The following ZNF521 variants were observed in gnomAD, a reference collection of about 807,000 sequenced individuals.
ZNF521 encodes the protein zinc finger protein 521.
ZNF521 carries 14 observed loss-of-function variants against 105.5 expected under a neutral mutation model. The observed-to-expected ratio is 0.13, with a 90% confidence interval of 0.09 to 0.21. The LOEUF (loss-of-function observed/expected upper bound fraction) is 0.21, where lower values mean the gene tolerates loss of function less well. Among genes scored for constraint, ZNF521 ranks in the 10% least tolerant of loss-of-function variants. The pLI is 1.00. For missense variants in ZNF521, 1,233 were observed against 1,629.7 expected, an observed-to-expected ratio of 0.76 and a Z score of 4.19; for synonymous variants, 635 against 606.0, an observed-to-expected ratio of 1.05 and a Z score of -0.70.
At chr18:25,200,990 T>A (rs1339854190) in intron 4 of ZNF521, 1 of 151,224 alleles carries the variant, frequency 6.6e-6, no homozygotes, top group Non-Finnish European at 1.5e-5. Flanking sequence ...TACTAGTGTT[T>A]GATTCATTCA....
intron 7 of ZNF521, among the ~76,000 whole-genome samples, chr18:25,065,174 T>C (rs2033022261): frequency 6.6e-6 from 1 of 152,210 alleles, no homozygotes; most frequent in East Asian, 1.9e-4. Flanking sequence ...AGAAAGGTTT[T>C]TTATTTTTAA....
In ZNF521 at chr18:25,227,263, C is replaced by T. The variant is rs1330285345; in HGVS notation, c.655G>A (p.Gly219Arg). 6.2e-7 allele frequency: 1 copy of T among 1,614,082 alleles called. No homozygotes were observed. Among genetic ancestry groups the T allele is most frequent in the Non-Finnish European group, 8.5e-7 (1 of 1,180,018 alleles). Residue 219 changes from glycine (G) to arginine (R), a missense_variant, in exon 4 of 8, where the codon GGA (glycine) becomes AGA (arginine). Coordinates refer to ENST00000361524, the MANE Select transcript of ZNF521 (RefSeq NM_015461.3). This position sits in a 1 kb window ranked among gnomAD's most constrained non-coding sequence, Gnocchi z 5.7. ...TTCCTCTCATGAACCTGCATGTGTC[C>T]GTGTAAGGAACTAGAGGACAGAAAC... Reference protein sequence around the residue: ...RGFLSSSSLHGHMQVHERNKD... With the variant: ...RGFLSSSSLHRHMQVHERNKD...
intron 5 of ZNF521, among the ~76,000 whole-genome samples, chr18:25,093,579 C>T (rs1600008895): frequency 6.6e-6 from 1 of 152,132 alleles, no homozygotes; most frequent in East Asian, 1.9e-4. Flanking sequence ...ATTTGTATTC[C>T]TAATCTTTCT....
intron 4 of ZNF521, among the ~76,000 whole-genome samples, chr18:25,197,072 T>C (rs1224549390): frequency 6.6e-6 from 1 of 151,774 alleles, no homozygotes; most frequent in Non-Finnish European, 1.5e-5. Flanking sequence ...GCCAAAATAA[T>C]AAAATGCCAG....
At chr18:25,327,553 T>TC (rs1913293348) in intron 2 of ZNF521, 1 of 690,824 alleles carries the variant, frequency 1.4e-6, no homozygotes, top group Admixed American at 2.4e-5. Context: ...TGTTTATACT[T>TC]TTTAAGAACA....
chr18:25,164,514 C>A (rs2035303686), intron 5 of ZNF521, among the ~76,000 whole-genome samples: 1 of 152,190 alleles, frequency 6.6e-6, no homozygotes, highest in African/African-American at 2.4e-5. Flanking sequence ...CTAGGAAGAT[C>A]AAAGTAGTCC....
intron 4 of ZNF521, among the ~76,000 whole-genome samples, chr18:25,221,804 A>G (rs988669026): frequency 2.6e-5 from 4 of 152,226 alleles, no homozygotes; most frequent in African/African-American, 4.8e-5. Flanking sequence ...CTTGGCTAAC[A>G]AAGAATGTGA....
At chr18:25,290,175 C>A (rs919760529) in intron 3 of ZNF521, among the ~76,000 whole-genome samples, 2 of 152,172 alleles carry the variant, frequency 1.3e-5, no homozygotes, top group Non-Finnish European at 2.9e-5. Context: ...ATGCAGTCTG[C>A]GGTTTATAAG....
chr18:25,249,158 T>A (rs1014924644), intron 3 of ZNF521, among the ~76,000 whole-genome samples: 2 of 152,070 alleles, frequency 1.3e-5, no homozygotes, highest in Non-Finnish European at 2.9e-5. Context: ...TTTTTTTTTT[T>A]TTTGATACAG....
chr18:25,119,421 T>C (rs554503088), intron 5 of ZNF521, among the ~76,000 whole-genome samples: 3 of 152,234 alleles, frequency 2.0e-5, no homozygotes, highest in South Asian at 2.1e-4. Context: ...TGTTCACCCA[T>C]AGAACAAGTA....
intron 7 of ZNF521, among the ~76,000 whole-genome samples, chr18:25,070,351 G>A: frequency 6.6e-6 from 1 of 152,158 alleles, no homozygotes; most frequent in East Asian, 1.9e-4. Flanking sequence ...GGTGATCTGA[G>A]ATAATCCTGA....
At chr18:25,212,508 TC>T (rs2036199427) in intron 4 of ZNF521, among the ~76,000 whole-genome samples, 3 of 11,456 alleles carry the variant, frequency 2.6e-4, no homozygotes, top group African/African-American at 1.2e-3. Context: ...AGACTTAGTC[TC>T]AAAAAAAAAA....
chr18:25,100,442 A>G (rs2033944345), intron 5 of ZNF521, among the ~76,000 whole-genome samples: 1 of 152,150 alleles, frequency 6.6e-6, no homozygotes. Context: ...CTGTTTATTA[A>G]TAGAATCACA....
chr18:25,198,936 A>G (rs1775313521), intron 4 of ZNF521, among the ~76,000 whole-genome samples: 1 of 151,976 alleles, frequency 6.6e-6, no homozygotes, highest in African/African-American at 2.4e-5. Flanking sequence ...ATATCTTTAC[A>G]TTTAGCTGAT....
Position 25,073,102 on chromosome 18 carries a change from G to A in ZNF521, c.3907-10361C>T, listed in dbSNP as rs77039772. On this transcript the variant is annotated intron_variant, in intron 7 of 7. Coordinates refer to ENST00000361524, the MANE Select transcript of ZNF521 (RefSeq NM_015461.3). ...TTGGGCGAATACAAATTTCCTCTCC[G>A]CCAGCTCTCGGTGCACACAACCAAC... Among the ~76,000 whole-genome samples the A allele has an allele frequency of 9.8e-4, 149 of 151,988 alleles. 4 individuals carry two copies. In the East Asian group the frequency reaches 0.017, roughly 18 times the overall value.
intron 4 of ZNF521, among the ~76,000 whole-genome samples, chr18:25,220,329 C>T (rs143513346): frequency 1.2e-4 from 19 of 152,048 alleles, no homozygotes; most frequent in South Asian, 2.1e-4. Context: ...AATAAAGTGA[C>T]GAATGCAGAA....
At chr18:25,101,566 T>C (rs988053017) in intron 5 of ZNF521, among the ~76,000 whole-genome samples, 3 of 152,096 alleles carry the variant, frequency 2.0e-5, no homozygotes, top group Non-Finnish European at 4.4e-5. Flanking sequence ...GAAGGAAAAT[T>C]TATAGTCAGG....
At chr18:25,180,512 C>CAAA (rs34127829) in intron 5 of ZNF521, among the ~76,000 whole-genome samples, 10 of 139,990 alleles carry the variant, frequency 7.1e-5, no homozygotes, top group African/African-American at 2.6e-4. Context: ...TTATCTCTTG[C>CAAA]AAAAAAAAAA....
At chr18:25,188,312 G>C (rs1325365638) in intron 5 of ZNF521, among the ~76,000 whole-genome samples, 1 of 152,138 alleles carries the variant, frequency 6.6e-6, no homozygotes, top group Admixed American at 6.6e-5. Context: ...AACAATATGA[G>C]CAGCTGAAGT....
Sources: allele counts gnomAD v4.1 joint callset (sites outside exome capture counted in the v4.1 genomes callset), GRCh38; gene constraint gnomAD v4.1.1; non-coding constraint Gnocchi (gnomAD v3.1); transcripts MANE v1.5; gene names NCBI Gene and HGNC (gene_info 2026-07-23, HGNC 2026-07-21).